GTF2I: variants seen among roughly 807,000 people sequenced by gnomAD.
GTF2I encodes general transcription factor IIi.
A neutral mutation model predicts 67.6 loss-of-function variants in GTF2I; 12 were observed. The ratio of observed to expected loss-of-function variants is 0.18; its 90% CI spans 0.11 to 0.29. GTF2I has a LOEUF of 0.29. GTF2I is among the 10% of genes least tolerant of loss of function. The pLI, the probability that GTF2I is intolerant of heterozygous loss-of-function variation, is 1.00. For missense variants in GTF2I, 271 were observed against 580.1 expected (o/e 0.47, Z 5.47); for synonymous variants, 149 against 197.0 (o/e 0.76, Z 2.04).
chr7:74,701,529 G>A (rs1789748299), intron 6 of GTF2I, among the ~76,000 whole-genome samples: 1 of 151,982 alleles, frequency 6.6e-6, no homozygotes, highest in African/African-American at 2.4e-5. Context: ...GGAGTGCAGT[G>A]GCGCGATCTT....
In GTF2I at chr7:74,674,956, G is replaced by A. The variant is rs146926822; in HGVS notation, c.-5-14168G>A. ...GCAACTTCTTCCTCCTGGTTCAAGC[G>A]ATTCTCCTGCCTCAGTCTCCCAAGT... On this transcript the variant is annotated intron_variant, in intron 1 of 34. Coordinates refer to ENST00000573035, the MANE Select transcript of GTF2I (RefSeq NM_032999.4). Among the ~76,000 whole-genome samples, 868 of 150,988 alleles carry A rather than the reference G, an allele frequency of 5.7e-3. 10 individuals are homozygous for A. Among genetic ancestry groups the A allele is most frequent in the African/African-American group, 0.02 (823 of 41,110 alleles).
rs782075554 is a variant in GTF2I, at chr7:74,691,032, C to T, written c.159C>T (p.Asp53=). 19 of 1,612,616 alleles carry T rather than the reference C, an allele frequency of 1.2e-5. No individual in the cohort carries two copies. Among genetic ancestry groups the T allele is most frequent in the Non-Finnish European group, 1.4e-5 (17 of 1,178,946 alleles). Reference sequence around the variant, plus strand: ...CCTGCATTGCAGTGTATGAAACAGACGTGTTTGTCGTCGGAACTGAAAGAG... The same window carrying T: ...CCTGCATTGCAGTGTATGAAACAGATGTGTTTGTCGTCGGAACTGAAAGAG... ...EVACIAVYET[D]VFVVGTERGR... is the part of the protein sequence containing the mutation. The change falls in exon 3 of 35, where the codon GAC becomes GAT. Residue 53 remains aspartate, a synonymous_variant. Coordinates refer to ENST00000573035, the MANE Select transcript of GTF2I (RefSeq NM_032999.4).
At chr7:74,677,824 C>T (rs1483224279) in intron 1 of GTF2I, among the ~76,000 whole-genome samples, 1 of 146,132 alleles carries the variant, frequency 6.8e-6, no homozygotes, top group Non-Finnish European at 1.5e-5. Flanking sequence ...AGTTTTTCCT[C>T]TTATACAAAA....
chr7:74,708,930 T>TG (rs1481116971), intron 8 of GTF2I, among the ~76,000 whole-genome samples: 1 of 152,176 alleles, frequency 6.6e-6, no homozygotes, highest in African/African-American at 2.4e-5. Flanking sequence ...CTCCTCAAAA[T>TG]GGGGGGACAC....
At chr7:74,664,945 T>G (rs1442103740) in intron 1 of GTF2I, among the ~76,000 whole-genome samples, 1 of 151,778 alleles carries the variant, frequency 6.6e-6, no homozygotes, top group Non-Finnish European at 1.5e-5. Flanking sequence ...CCCTATTTTT[T>G]GTTTTTTTTT....
At chr7:74,730,792 C>T (rs1244465541) in intron 14 of GTF2I, among the ~76,000 whole-genome samples, 12 of 125,760 alleles carry the variant, frequency 9.5e-5, no homozygotes, top group Non-Finnish European at 1.6e-4. Flanking sequence ...TTGCAACCTC[C>T]GCCTCCCGGG....
rs587626253 is a variant in GTF2I at position 74,704,087 on chromosome 7, C to G, written c.587-1077C>G. On this transcript the variant is annotated intron_variant, in intron 6 of 34. Transcript: ENST00000573035. ...TGCTCTGACTAGAATATAAATGTCA[C>G]ACAGCATTGGTGATAGCAGACATCA... Among the ~76,000 whole-genome samples the G allele has an allele frequency of 8.5e-5, 13 of 152,206 alleles. No individual in the cohort carries two copies. The South Asian group carries it at 2.7e-3, about 32-fold the overall frequency.
intron 1 of GTF2I, among the ~76,000 whole-genome samples, chr7:74,658,415 G>C (rs1380324633): frequency 1.4e-5 from 2 of 145,622 alleles, no homozygotes; most frequent in Admixed American, 6.8e-5. Context: ...CGTGCGGTGG[G>C]GGGGCGCCTC....
In GTF2I at chr7:74,743,437, TTTGTTTTCC is replaced by T; in HGVS notation, c.1679-11_1679-3del. 1 of 532,934 alleles carries T rather than the reference TTTGTTTTCC, an allele frequency of 1.9e-6. No individual in the cohort carries two copies. The highest frequency in any genetic ancestry group is 3.5e-6 in the Non-Finnish European group (1 of 285,500). 33.0% of individuals were successfully genotyped at this position (532,934 alleles called of 1,614,324 possible). A position where few individuals can be genotyped will look rare whatever the true frequency, so the allele number is the denominator to read the frequency against. On this transcript the variant is annotated splice_region_variant and splice_polypyrimidine_tract_variant and intron_variant, in intron 19 of 34. Transcript: ENST00000573035. ...AAATAACATGGTTATTGGGTTTCTT[TTTGTTTTCC>T]AGTCAAAGAAGATTGGAATGTCAGA... is the stretch of plus-strand genomic sequence containing the variant.
intron 1 of GTF2I, chr7:74,688,907 A>C: frequency 2.1e-6 from 1 of 477,778 alleles, no homozygotes; most frequent in Non-Finnish European, 3.7e-6. Context: ...ATATTGACCC[A>C]ATTTTCTGGA....
chr7:74,723,146 C>T (rs1300979990), intron 12 of GTF2I, among the ~76,000 whole-genome samples: 6 of 120,434 alleles, frequency 5.0e-5, no homozygotes, highest in South Asian at 2.9e-4. Flanking sequence ...TTTTTTGAGA[C>T]GGAGTTTCGC....
At chr7:74,674,485 C>T (rs1160505494) in intron 1 of GTF2I, among the ~76,000 whole-genome samples, 2 of 152,126 alleles carry the variant, frequency 1.3e-5, no homozygotes, top group African/African-American at 4.8e-5. Context: ...TGATGGATGT[C>T]CTTTATTGCA....
intron 1 of GTF2I, among the ~76,000 whole-genome samples, chr7:74,660,458 C>G (rs914387355): frequency 3.9e-5 from 6 of 152,114 alleles, no homozygotes; most frequent in Admixed American, 2.0e-4. Context: ...TCCGAAAGTG[C>G]TGGGATTACA....
chr7:74,732,706 G>T, intron 15 of GTF2I, 44 bp downstream of exon 15: 1 of 1,529,860 alleles, frequency 6.5e-7, no homozygotes, highest in Non-Finnish European at 8.8e-7. Flanking sequence ...TCTTTTCTGA[G>T]TAATACGTCT....
intron 2 of GTF2I, among the ~76,000 whole-genome samples, chr7:74,689,465 C>T (rs1016124803): frequency 2.7e-5 from 4 of 149,448 alleles, no homozygotes; most frequent in African/African-American, 9.9e-5. Context: ...AGCGATTCTC[C>T]TGCCTTAGCC....
intron 9 of GTF2I, among the ~76,000 whole-genome samples, chr7:74,713,593 TTA>T (rs1167651809): frequency 6.6e-6 from 1 of 152,158 alleles, no homozygotes; most frequent in African/African-American, 2.4e-5. Context: ...TGAAATTAAA[TTA>T]TTAATAGAAA....
At chr7:74,679,117 T>C (rs1786974254) in intron 1 of GTF2I, among the ~76,000 whole-genome samples, 1 of 145,152 alleles carries the variant, frequency 6.9e-6, no homozygotes, top group South Asian at 2.2e-4. Flanking sequence ...CTCACTCTGT[T>C]GCTCAGGCTG....
At chr7:74,662,005 T>C (rs1804539791) in intron 1 of GTF2I, among the ~76,000 whole-genome samples, 1 of 152,026 alleles carries the variant, frequency 6.6e-6, no homozygotes. Context: ...GGACCACAGC[T>C]TGTAGTTTTG....
chr7:74,725,879 A>C (rs1793714471), intron 12 of GTF2I, among the ~76,000 whole-genome samples: 1 of 145,850 alleles, frequency 6.9e-6, no homozygotes, highest in Admixed American at 6.9e-5. Context: ...CGATTGGGTT[A>C]CCTTCATAAA....
Sources: gnomAD v4.1 joint callset for allele counts (sites outside exome capture counted in the v4.1 genomes callset) on GRCh38, gnomAD v4.1.1 for gene constraint, MANE v1.5 for transcripts, NCBI Gene and HGNC (gene_info 2026-07-23, HGNC 2026-07-21) for gene names.